Variants in FBXL7 observed in about 807,000 individuals in gnomAD.
FBXL7 encodes the protein F-box/LRR-repeat protein 7.
In FBXL7, 12 loss-of-function variants were observed where a neutral mutation model predicts 38.3. The observed-to-expected ratio is 0.31, with a 90% CI of 0.20 to 0.51. The LOEUF is 0.51. Among genes scored for constraint, FBXL7 ranks in the 20% least tolerant of loss-of-function variants. The probability of loss-of-function intolerance (pLI) is 0.98; values close to 1 mark genes in which losing one functional copy is unlikely to be tolerated. For missense variants in FBXL7, 567 were observed against 676.4 expected (o/e 0.84, Z 1.79); for synonymous variants, 297 against 300.9 (o/e 0.99, Z 0.13).
At chr5:15,812,410 A>G (rs1442808567) in intron 2 of FBXL7, among the ~76,000 whole-genome samples, 1 of 152,146 alleles carries the variant, frequency 6.6e-6, no homozygotes, top group Non-Finnish European at 1.5e-5. Context: ...AACCTAGATG[A>G]TGGGTTGATA....
At chr5:15,590,959 AAAG>A (rs138125646) in intron 1 of FBXL7, among the ~76,000 whole-genome samples, 160 of 152,272 alleles carry the variant, frequency 1.1e-3, no homozygotes, top group African/African-American at 3.7e-3. Flanking sequence ...AATTCTTTAT[AAAG>A]AAGGCAGATT....
At chr5:15,695,165 T>C (rs904112106) in intron 2 of FBXL7, among the ~76,000 whole-genome samples, 4 of 152,118 alleles carry the variant, frequency 2.6e-5, no homozygotes, top group African/African-American at 9.7e-5. Context: ...AAAGGAAAGA[T>C]GACCTTGAAC....
At chr5:15,890,032 C>G (rs952854297) in intron 2 of FBXL7, among the ~76,000 whole-genome samples, 8 of 152,100 alleles carry the variant, frequency 5.3e-5, no homozygotes, top group African/African-American at 1.2e-4. Context: ...TTGGGCCTAT[C>G]AGACTTCATT....
At chr5:15,877,825 C>T (rs947889855) in intron 2 of FBXL7, among the ~76,000 whole-genome samples, 1 of 152,082 alleles carries the variant, frequency 6.6e-6, no homozygotes, top group Non-Finnish European at 1.5e-5. Context: ...TTAATATTCC[C>T]GCTAAAGAGA....
At chr5:15,853,830 A>G (rs7723811) in intron 2 of FBXL7, among the ~76,000 whole-genome samples, 47,341 of 152,104 alleles carry the variant, frequency 0.31, 7,901 homozygotes, top group Admixed American at 0.44. Context: ...ATGGTTTTAG[A>G]AAAATCAGTG....
At chr5:15,563,623 C>G (rs1334688046) in intron 1 of FBXL7, among the ~76,000 whole-genome samples, 1 of 152,032 alleles carries the variant, frequency 6.6e-6, no homozygotes, top group Non-Finnish European at 1.5e-5. Context: ...CTCCTGGCTC[C>G]TAATGCTTGC....
At chr5:15,620,262 C>T (rs1464016306) in intron 2 of FBXL7, among the ~76,000 whole-genome samples, 9 of 134,166 alleles carry the variant, frequency 6.7e-5, no homozygotes, top group African/African-American at 2.5e-4. Flanking sequence ...GACAGAGTTT[C>T]ACTCTTGTTG....
Position 15,887,210 on chromosome 5 carries a change from T to C in FBXL7, c.128-40680T>C, listed in dbSNP as rs530666299. On this transcript the variant is annotated intron_variant, in intron 2 of 3. Transcript: ENST00000504595. ...GACCACCAATTGTTCTGTTGTGTTT[T>C]GGAAACTCGATCCAAGTTTACATTT... is the stretch of plus-strand genomic sequence containing the variant. Among the ~76,000 whole-genome samples, 4 of 152,330 alleles carry C rather than the reference T, an allele frequency of 2.6e-5. No individual in the cohort carries two copies. The South Asian group carries it at 8.3e-4, about 32-fold the overall frequency.
chr5:15,845,864 G>A (rs55896316), intron 2 of FBXL7, among the ~76,000 whole-genome samples: 7,376 of 152,210 alleles, frequency 0.048, 573 homozygotes, highest in African/African-American at 0.17. Flanking sequence ...CCAGCTACTC[G>A]GGAGGCTGAG....
chr5:15,557,320 G>T (rs1167106932), intron 1 of FBXL7, among the ~76,000 whole-genome samples: 1 of 152,144 alleles, frequency 6.6e-6, no homozygotes, highest in East Asian at 1.9e-4. Context: ...TTGCTGCTAA[G>T]CCCTACAAAA....
At chr5:15,607,475 A>C (rs991759743) in intron 1 of FBXL7, 3 of 152,158 alleles carry the variant, frequency 2.0e-5, no homozygotes, top group Non-Finnish European at 4.4e-5. Context: ...AATATTAATA[A>C]ATTAACTGTC....
At chr5:15,520,480 T>C (rs1737067609) in intron 1 of FBXL7, among the ~76,000 whole-genome samples, 1 of 152,190 alleles carries the variant, frequency 6.6e-6, no homozygotes, top group Admixed American at 6.5e-5. Flanking sequence ...TGTGGGTATG[T>C]GTGTTTATGG....
rs138383402 is a variant in FBXL7 at position 15,505,102 on chromosome 5, G to A, written c.37+4389G>A. On this transcript the variant is annotated intron_variant, in intron 1 of 3. Transcript: ENST00000504595. ...TATGAGGAGAGCCATTTGCCTGAGA[G>A]CATAAATCTTCACAAATCCATCGCC... 6.6e-3 allele frequency among the ~76,000 whole-genome samples: 1,009 copies of A among 152,250 alleles called. 12 individuals are homozygous for A. Among genetic ancestry groups the A allele is most frequent in the African/African-American group, 0.019 (789 of 41,542 alleles).
At chr5:15,693,032 A>G (rs1322299239) in intron 2 of FBXL7, among the ~76,000 whole-genome samples, 1 of 152,190 alleles carries the variant, frequency 6.6e-6, no homozygotes, top group Non-Finnish European at 1.5e-5. Context: ...AGGACCAGAC[A>G]GTGATGGGAT....
At chr5:15,879,344 A>T (rs1740346471) in intron 2 of FBXL7, among the ~76,000 whole-genome samples, 1 of 152,156 alleles carries the variant, frequency 6.6e-6, no homozygotes, top group South Asian at 2.1e-4. Flanking sequence ...ACGCCAGGAT[A>T]GCCTCTGCTT....
At chr5:15,768,217 A>G (rs1410447629) in intron 2 of FBXL7, among the ~76,000 whole-genome samples, 1 of 152,118 alleles carries the variant, frequency 6.6e-6, no homozygotes, top group East Asian at 1.9e-4. Context: ...AGGCAGGTAG[A>G]TACCTATCAT....
At chr5:15,592,828 G>A (rs889929591) in intron 1 of FBXL7, among the ~76,000 whole-genome samples, 2 of 151,922 alleles carry the variant, frequency 1.3e-5, no homozygotes, top group African/African-American at 4.8e-5. Flanking sequence ...AGTGTATAAT[G>A]GATAGTCTGT....
At chr5:15,931,846 G>A (rs2126465854) in intron 3 of FBXL7, among the ~76,000 whole-genome samples, 1 of 152,216 alleles carries the variant, frequency 6.6e-6, no homozygotes, top group Middle Eastern at 3.4e-3. Context: ...TCTCTGAACA[G>A]ACTTTTCATT....
At chr5:15,676,693 G>C (rs921712091) in intron 2 of FBXL7, among the ~76,000 whole-genome samples, 2 of 152,188 alleles carry the variant, frequency 1.3e-5, no homozygotes, top group African/African-American at 4.8e-5. Context: ...AATTACAAGA[G>C]CAGGGCCATA....
Sources: allele counts gnomAD v4.1 joint callset (sites outside exome capture counted in the v4.1 genomes callset), GRCh38; gene constraint gnomAD v4.1.1; transcripts MANE v1.5; gene names NCBI Gene and HGNC (gene_info 2026-07-23, HGNC 2026-07-21).